ARNT: variants seen among roughly 807,000 people sequenced by gnomAD.
ARNT encodes class E basic helix-loop-helix protein 2.
Under a neutral mutation model 105.0 loss-of-function variants are expected in ARNT, and 30 were observed. The ratio of observed to expected loss-of-function variants is 0.29; its 90% CI spans 0.21 to 0.39. The LOEUF is 0.39. ARNT is among the 10% of genes least tolerant of loss of function. ARNT has a pLI of 1.00. For missense variants in ARNT, 748 were observed against 978.7 expected, an observed-to-expected ratio of 0.76 and a Z score of 3.15; for synonymous variants, 304 against 344.0, an observed-to-expected ratio of 0.88 and a Z score of 1.29.
Position 150,835,880 on chromosome 1 carries a change from C to A in ARNT, c.700+400G>T, listed in dbSNP as rs185337405. ...CTTATACATTGACCAATAACCATATCTATAGAATAAAAAGCTGTTATCATT... is the reference window on the plus strand; with the variant it reads ...CTTATACATTGACCAATAACCATATATATAGAATAAAAAGCTGTTATCATT... On this transcript the variant is annotated intron_variant, in intron 7 of 21. Coordinates refer to ENST00000358595, the MANE Select transcript of ARNT (RefSeq NM_001668.4). Among the ~76,000 whole-genome samples the A allele has an allele frequency of 3.1e-3, 473 of 152,074 alleles. 1 individual carries two copies. The highest frequency in any genetic ancestry group is 9.2e-3 in the Admixed American group (140 of 15,264).
intron 3 of ARNT, among the ~76,000 whole-genome samples, chr1:150,847,633 AT>A (rs369494203): frequency 2.2e-3 from 332 of 152,308 alleles, no homozygotes; most frequent in African/African-American, 7.6e-3. Context: ...ATTCACGGGT[AT>A]AAAAAAAGAC....
chr1:150,836,524 T>A (rs1660357759), intron 6 of ARNT, 31 bp from the exon 7 acceptor site: 1 of 1,594,874 alleles, frequency 6.3e-7, no homozygotes, highest in African/African-American at 1.3e-5. Flanking sequence ...GAAGTTAATA[T>A]TTTACTCTGA....
intron 13 of ARNT, among the ~76,000 whole-genome samples, chr1:150,825,548 C>T (rs1571237330): frequency 6.6e-6 from 1 of 152,222 alleles, no homozygotes; most frequent in South Asian, 2.1e-4. Flanking sequence ...GACTCTCACT[C>T]ATCCATAAAA....
At chr1:150,835,153 G>T (rs1053062260) in intron 7 of ARNT, among the ~76,000 whole-genome samples, 7 of 116,114 alleles carry the variant, frequency 6.0e-5, no homozygotes, top group Non-Finnish European at 1.3e-4. Context: ...AAAAAAAAAA[G>T]AATAAAAAGA....
Position 150,816,280 on chromosome 1 carries a change from G to C in ARNT, c.1929C>G (p.Thr643=). Residue 643 remains threonine (T), a synonymous_variant, in exon 19 of 22, where the codon ACC becomes ACG. Transcript: ENST00000358595. ...QGATPTWTPT[T]RSGFSAQQVA... ...TTACCTGGGCAGAAAAGCCTGAGCG[G>C]GTAGTAGGGGTCCAAGTTGGGGTTG... The C allele has an allele frequency of 1.2e-6, 2 of 1,606,436 alleles. No individual in the cohort carries two copies. The highest frequency in any genetic ancestry group is 1.7e-6 in the Non-Finnish European group (2 of 1,177,868).
At chr1:150,831,962 G>A in intron 9 of ARNT, 59 bp from the exon 10 acceptor site, 2 of 1,094,074 alleles carry the variant, frequency 1.8e-6, no homozygotes, top group Non-Finnish European at 2.7e-6. Flanking sequence ...AAACTCAAAG[G>A]GCAATGCTGC....
chr1:150,843,047 A>G (rs145566708), intron 4 of ARNT, among the ~76,000 whole-genome samples: 47 of 152,336 alleles, frequency 3.1e-4, no homozygotes, highest in African/African-American at 1.1e-3. Flanking sequence ...ATGACAAAAT[A>G]ACCAACCAGA....
intron 20 of ARNT, among the ~76,000 whole-genome samples, chr1:150,813,790 A>C (rs1289954630): frequency 1.3e-5 from 2 of 152,038 alleles, no homozygotes; most frequent in Non-Finnish European, 2.9e-5. Context: ...AATTACAGGC[A>C]TGCGGTACCA....
Position 150,872,559 on chromosome 1 carries a change from A to T in ARNT, c.25+3984T>A, listed in dbSNP as rs587693291. Among the ~76,000 whole-genome samples the T allele has an allele frequency of 3.9e-5, 6 of 152,264 alleles. No homozygotes were observed. The East Asian group carries it at 9.6e-4, about 24-fold the overall frequency. On this transcript the variant is annotated intron_variant, in intron 1 of 21. Transcript: ENST00000358595. ...AGATAAAAACCTACACTTACTACAA[A>T]CTCATTCAACATCTCTAGTTTGAAT... is the stretch of plus-strand genomic sequence containing the variant.
intron 14 of ARNT, among the ~76,000 whole-genome samples, chr1:150,821,087 C>T (rs587687316): frequency 7.2e-5 from 11 of 152,256 alleles, no homozygotes; most frequent in African/African-American, 2.6e-4. Context: ...TTAAGAAAAT[C>T]ATAAGGAAGA....
intron 1 of ARNT, among the ~76,000 whole-genome samples, chr1:150,875,670 G>A (rs587641255): frequency 6.6e-6 from 1 of 152,176 alleles, no homozygotes; most frequent in Non-Finnish European, 1.5e-5. Flanking sequence ...AAAGAGGGCT[G>A]GGACTAGTAA....
In ARNT at chr1:150,810,663, G is replaced by A. The variant is rs10305754; in HGVS notation, c.*1358C>T. 14 of 205,802 alleles carry A rather than the reference G, an allele frequency of 6.8e-5. No individual in the cohort carries two copies. The highest frequency in any genetic ancestry group is 3.0e-4 in the African/African-American group (13 of 43,472). 12.7% of individuals were successfully genotyped at this position (205,802 alleles called of 1,614,324 possible). ...AAAAAAAAAAAAAGCTGGTATCTAC[G>A]ACTGTTACCTGAGGAAGGTAAAGGG... is the stretch of plus-strand genomic sequence containing the variant. On this transcript the variant is annotated 3_prime_UTR_variant, in exon 22 of 22. Transcript: ENST00000358595.
intron 1 of ARNT, among the ~76,000 whole-genome samples, chr1:150,867,764 A>G (rs992135422): frequency 1.3e-5 from 2 of 152,100 alleles, no homozygotes; most frequent in African/African-American, 4.8e-5. Context: ...GTTTAGCACC[A>G]TTCCCCTAAT....
At chr1:150,863,637 T>G (rs1666047247) in intron 1 of ARNT, among the ~76,000 whole-genome samples, 1 of 152,060 alleles carries the variant, frequency 6.6e-6, no homozygotes, top group South Asian at 2.1e-4. Context: ...GAGACCAGCC[T>G]GACCAACATG....
intron 12 of ARNT, among the ~76,000 whole-genome samples, chr1:150,827,628 G>C (rs923175217): frequency 4.6e-5 from 7 of 152,288 alleles, no homozygotes; most frequent in Admixed American, 3.3e-4. Context: ...GAATAATACA[G>C]ATATGAACTG....
rs780629150 is a variant in ARNT, at chr1:150,858,382, G to C, written c.104C>G (p.Ala35Gly). The change falls in exon 2 of 22, where the codon GCC becomes GGC. Residue 35 changes from alanine (A) to glycine (G), a missense_variant. Ala to Gly is a moderately conservative substitution (Grantham distance 60). Around this residue, in one of 4 missense-constraint regions of ARNT, gnomAD observed 93 missense variants for 101.6 expected, o/e 0.92. Coordinates refer to ENST00000358595, the MANE Select transcript of ARNT (RefSeq NM_001668.4). ...CCGCTTAATAGCCCTCTGGACAATG[G>C]CTCCTCCACCTTGAATTCCAGGTCC... The part of the protein sequence containing the change: ...NSGPGIQGGG[A>G]IVQRAIKRRP... 3 of 1,609,166 alleles carry C rather than the reference G, an allele frequency of 1.9e-6. No individual in the cohort carries two copies. Among genetic ancestry groups the C allele is most frequent in the East Asian group, 2.2e-5 (1 of 44,858 alleles).
Position 150,812,073 on chromosome 1 carries a change from T to C in ARNT, c.2318A>G (p.Tyr773Cys). 1 of 1,574,902 alleles carries C rather than the reference T, an allele frequency of 6.3e-7. No homozygotes were observed. Among genetic ancestry groups the C allele is most frequent in the Non-Finnish European group, 8.6e-7 (1 of 1,157,894 alleles). The change falls in exon 22 of 22, where the codon TAC becomes TGC. Residue 773 changes from tyrosine (Y) to cysteine (C), a missense_variant. Around this residue, in one of 4 missense-constraint regions of ARNT, gnomAD observed 360 missense variants for 411.9 expected, o/e 0.87. Coordinates refer to ENST00000358595, the MANE Select transcript of ARNT (RefSeq NM_001668.4). ...LSMLGDQSNS[Y>C]NNEEFPDLTM... ...TAGATCAGGGAATTCTTCATTGTTGTAGCTGTTGCTCTGATCTCCCAGCAT... is the reference window on the plus strand; with the variant it reads ...TAGATCAGGGAATTCTTCATTGTTGCAGCTGTTGCTCTGATCTCCCAGCAT...
At chr1:150,864,057 T>C (rs1189485750) in intron 1 of ARNT, among the ~76,000 whole-genome samples, 1 of 152,144 alleles carries the variant, frequency 6.6e-6, no homozygotes, top group Non-Finnish European at 1.5e-5. Flanking sequence ...TACCTATATG[T>C]AGCCTATTAC....
At chr1:150,852,639 T>C in intron 3 of ARNT, 123 bp downstream of exon 3, 1 of 806,054 alleles carries the variant, frequency 1.2e-6, no homozygotes, top group Non-Finnish European at 1.9e-6. Context: ...ATATGAATAT[T>C]TATAGTTTTA....
Sources: gnomAD v4.1 joint callset for allele counts (sites outside exome capture counted in the v4.1 genomes callset) on GRCh38, gnomAD v4.1.1 for gene constraint, gnomAD v4.1.1 regional missense constraint, MANE v1.5 for transcripts, NCBI Gene and HGNC (gene_info 2026-07-23, HGNC 2026-07-21) for gene names.